Variants in NAV3 observed in about 807,000 individuals in gnomAD.
NAV3 encodes pore membrane and/or filament interacting like protein 1.
In NAV3, 87 loss-of-function variants were observed where a neutral mutation model predicts 244.7. The observed-to-expected ratio is 0.36, with a 90% CI of 0.30 to 0.42. The LOEUF (loss-of-function observed/expected upper bound fraction) is 0.42. Among genes scored for constraint, NAV3 ranks in the 20% least tolerant of loss-of-function variants. The pLI, the probability that NAV3 is intolerant of heterozygous loss-of-function variation, is 1.00. For synonymous variants in NAV3, 1,126 were observed against 1,042.2 expected, an observed-to-expected ratio of 1.08 and a Z score of -1.55; for missense variants, 2,663 against 2,893.3, an observed-to-expected ratio of 0.92 and a Z score of 1.83.
intron 12 of NAV3, among the ~76,000 whole-genome samples, chr12:78,096,786 A>G (rs977914718): frequency 2.6e-5 from 4 of 152,140 alleles, no homozygotes; most frequent in African/African-American, 9.7e-5. Flanking sequence ...CCGCCAAACC[A>G]TATGAAGTTC....
At chr12:77,646,781 A>G (rs949661930) in intron 2 of NAV3, among the ~76,000 whole-genome samples, 1 of 152,116 alleles carries the variant, frequency 6.6e-6, no homozygotes, top group Non-Finnish European at 1.5e-5. Context: ...GTATATCAAA[A>G]GATCATGTTG....
intron 2 of NAV3, among the ~76,000 whole-genome samples, chr12:77,623,664 A>G (rs1053004227): frequency 6.6e-6 from 1 of 152,224 alleles, no homozygotes; most frequent in Non-Finnish European, 1.5e-5. Flanking sequence ...ATCTTTATAC[A>G]CTTGTTGTCT....
At chr12:77,973,435 A>C (rs1893172668) in intron 5 of NAV3, among the ~76,000 whole-genome samples, 1 of 152,080 alleles carries the variant, frequency 6.6e-6, no homozygotes, top group Admixed American at 6.6e-5. Flanking sequence ...TTTGCTTTTG[A>C]TTTTATGGGA....
chr12:77,745,988 T>TAAAAAA (rs35139297), intron 2 of NAV3, among the ~76,000 whole-genome samples: 79 of 107,558 alleles, frequency 7.3e-4, no homozygotes, highest in Middle Eastern at 0.01. Flanking sequence ...AGACTTAAGG[T>TAAAAAA]AAAAAAAAAA....
chr12:77,669,726 TA>T (rs1306482350), intron 2 of NAV3, among the ~76,000 whole-genome samples: 1 of 152,072 alleles, frequency 6.6e-6, no homozygotes, highest in Non-Finnish European at 1.5e-5. Context: ...ACCTAAGAAG[TA>T]AGATAAATGG....
intron 3 of NAV3, among the ~76,000 whole-genome samples, chr12:77,965,900 A>G (rs1892470330): frequency 6.6e-6 from 1 of 152,126 alleles, no homozygotes; most frequent in Admixed American, 6.5e-5. Flanking sequence ...ACATGCAACA[A>G]TCTCAGTCTG....
intron 35 of NAV3, 137 bp downstream of exon 35, chr12:78,197,538 T>C: frequency 3.5e-6 from 2 of 578,076 alleles, no homozygotes; most frequent in Non-Finnish European, 2.8e-6. Flanking sequence ...AAACTGTACA[T>C]ATTGATTGTG....
chr12:78,198,933 A>T (rs1959303953), intron 36 of NAV3: 1 of 458,810 alleles, frequency 2.2e-6, no homozygotes, highest in African/African-American at 2.0e-5. Context: ...AAAAAAAAAA[A>T]GGAAAGAAAA....
chr12:77,882,657 G>A (rs1299169102), intron 1 of NAV3, among the ~76,000 whole-genome samples: 3 of 151,982 alleles, frequency 2.0e-5, no homozygotes, highest in Non-Finnish European at 1.5e-5. Flanking sequence ...TTAGAGCATA[G>A]GAGAAAATAT....
At chr12:77,597,084 T>C (rs1870203598) in intron 2 of NAV3, among the ~76,000 whole-genome samples, 1 of 152,166 alleles carries the variant, frequency 6.6e-6, no homozygotes, top group African/African-American at 2.4e-5. Context: ...AAGTACATTA[T>C]TACTCAAAAT....
intron 5 of NAV3, among the ~76,000 whole-genome samples, chr12:77,994,409 C>A (rs1293933388): frequency 6.6e-6 from 1 of 152,190 alleles, no homozygotes; most frequent in East Asian, 1.9e-4. Flanking sequence ...TCTTCTTTTA[C>A]ATTTTAAACT....
At chr12:78,095,082 C>CAA (rs1954175261) in intron 12 of NAV3, among the ~76,000 whole-genome samples, 1 of 134,428 alleles carries the variant, frequency 7.4e-6, no homozygotes, top group Non-Finnish European at 1.7e-5. Context: ...CACACACACA[C>CAA]ACACACATAT....
chr12:77,637,223 C>G (rs1265400634), intron 2 of NAV3, among the ~76,000 whole-genome samples: 1 of 151,302 alleles, frequency 6.6e-6, no homozygotes, highest in Non-Finnish European at 1.5e-5. Flanking sequence ...AAAAAATGAC[C>G]ATAGCAATTT....
chr12:78,053,712 C>T (rs1883096606), intron 11 of NAV3, among the ~76,000 whole-genome samples: 1 of 152,010 alleles, frequency 6.6e-6, no homozygotes, highest in Non-Finnish European at 1.5e-5. Context: ...ACTAAATAGG[C>T]CATAGAAGAA....
chr12:78,088,837 GACATGTCAT>G (rs376924040), intron 12 of NAV3: 50 of 152,166 alleles, frequency 3.3e-4, no homozygotes, highest in African/African-American at 1.0e-3. Flanking sequence ...ACCAAAAATA[GACATGTCAT>G]ACTAGCAAAG....
intron 2 of NAV3, among the ~76,000 whole-genome samples, chr12:77,649,462 G>C (rs1872732447): frequency 6.6e-6 from 1 of 151,986 alleles, no homozygotes; most frequent in Non-Finnish European, 1.5e-5. Flanking sequence ...TTAATTAAAA[G>C]GCATAAATTA....
intron 1 of NAV3, among the ~76,000 whole-genome samples, chr12:77,933,785 T>C (rs759950627): frequency 1.1e-4 from 17 of 152,212 alleles, no homozygotes; most frequent in Non-Finnish European, 2.2e-4. Context: ...TTTGGTCATA[T>C]CAGTTCTGTA....
chr12:77,861,079 A>G (rs1257649434), intron 1 of NAV3, among the ~76,000 whole-genome samples: 1 of 151,900 alleles, frequency 6.6e-6, no homozygotes, highest in Non-Finnish European at 1.5e-5. Flanking sequence ...GCTTCAGCTG[A>G]GAGATTCAGC....
intron 22 of NAV3, among the ~76,000 whole-genome samples, chr12:78,157,883 T>G (rs1395366037): frequency 2.6e-5 from 4 of 152,010 alleles, no homozygotes; most frequent in Non-Finnish European, 5.9e-5. Context: ...TAATCTTTAG[T>G]AGATGTATTC....
Sources: gnomAD v4.1 joint callset for allele counts (sites outside exome capture counted in the v4.1 genomes callset) on GRCh38, gnomAD v4.1.1 for gene constraint, MANE v1.5 for transcripts, NCBI Gene and HGNC (gene_info 2026-07-23, HGNC 2026-07-21) for gene names.